Variants in PKHD1 observed in about 807,000 individuals in gnomAD.
The protein encoded by PKHD1 is fibrocystin.
A neutral mutation model predicts 412.0 loss-of-function variants in PKHD1; 291 were observed. The observed-to-expected ratio is 0.71, with a 90% CI of 0.64 to 0.78. The LOEUF (loss-of-function observed/expected upper bound fraction) is 0.78, where lower values mean the gene tolerates loss of function less well. PKHD1 is among the 30% of genes least tolerant of loss of function. The pLI is 0.00. For missense variants in PKHD1, 4,825 were observed against 4,950.7 expected (o/e 0.97, Z 0.76); for synonymous variants, 1,777 against 1,821.5 (o/e 0.98, Z 0.62).
chr6:52,034,133 G>A (rs189230410), intron 28 of PKHD1, among the ~76,000 whole-genome samples: 259 of 133,922 alleles, frequency 1.9e-3, no homozygotes, highest in Middle Eastern at 8.0e-3. Context: ...TCAAACAAAC[G>A]AACAAACAAA....
At chr6:51,653,758 G>A (rs1261167851) in intron 61 of PKHD1, among the ~76,000 whole-genome samples, 3 of 152,004 alleles carry the variant, frequency 2.0e-5, no homozygotes, top group African/African-American at 4.8e-5. Context: ...AGTAAGCCTA[G>A]GTGGGTTTAA....
At chr6:51,893,766 T>C (rs1469825270) in intron 43 of PKHD1, among the ~76,000 whole-genome samples, 1 of 152,154 alleles carries the variant, frequency 6.6e-6, no homozygotes, top group Non-Finnish European at 1.5e-5. Flanking sequence ...AAAAGTGAGT[T>C]AACCCTTCAG....
intron 47 of PKHD1, among the ~76,000 whole-genome samples, chr6:51,869,384 G>A (rs1322834640): frequency 2.0e-5 from 3 of 152,052 alleles, no homozygotes; most frequent in Non-Finnish European, 4.4e-5. Flanking sequence ...CACTGACTTT[G>A]TTGAGTCCTC....
Position 51,866,818 on chromosome 6 carries a change from C to A in PKHD1, c.7733+1045G>T, listed in dbSNP as rs114032114. On this transcript the variant is annotated intron_variant, in intron 48 of 66. Transcript: ENST00000371117. ...GCATCCCTGAGAATGAAGAAAAAGT[C>A]ATGCTCTGCACAATCAAAATGATTA... Among the ~76,000 whole-genome samples the A allele has an allele frequency of 4.3e-3, 648 of 152,166 alleles. 5 individuals are homozygous for A. Among genetic ancestry groups the A allele is most frequent in the African/African-American group, 0.014 (601 of 41,528 alleles).
chr6:52,033,335 C>T (rs1581856765), intron 28 of PKHD1, among the ~76,000 whole-genome samples, 170 bp from the exon 29 acceptor site: 1 of 152,180 alleles, frequency 6.6e-6, no homozygotes, highest in South Asian at 2.1e-4. Flanking sequence ...ACCCTGCACA[C>T]TCTCCCCATC....
chr6:51,680,131 ATATTAT>A (rs151148060), intron 60 of PKHD1, among the ~76,000 whole-genome samples: 1 of 151,486 alleles, frequency 6.6e-6, no homozygotes, highest in African/African-American at 2.4e-5. Flanking sequence ...AGCATAATAT[ATATTAT>A]TATTATTATT....
At chr6:51,857,824 G>T (rs751118121) in intron 48 of PKHD1, among the ~76,000 whole-genome samples, 4 of 152,166 alleles carry the variant, frequency 2.6e-5, no homozygotes, top group African/African-American at 4.8e-5. Context: ...TTTCTTGCAA[G>T]ATTAAATGTA....
In PKHD1 at chr6:52,045,940, T is replaced by G. The variant is rs936974614; in HGVS notation, c.2592+64A>C. On this transcript the variant is annotated intron_variant, in intron 24 of 66. Transcript: ENST00000371117. Reference sequence around the variant, plus strand: ...AGTTTCCATTTGTATAATTCTGATTTTTTTTTTTGCAGAATTTCTCCAGGG... The same window carrying G: ...AGTTTCCATTTGTATAATTCTGATTGTTTTTTTTGCAGAATTTCTCCAGGG... The G allele has an allele frequency of 1.1e-5, 12 of 1,115,558 alleles. No individual in the cohort carries two copies. In the African/African-American group the frequency reaches 1.8e-4, roughly 17 times the overall value. The allele number at this position is 1,115,558 out of a possible 1,614,324, so 69.1% of individuals were successfully genotyped here.
chr6:51,746,165 T>C (rs1309526487), intron 59 of PKHD1, among the ~76,000 whole-genome samples: 1 of 152,172 alleles, frequency 6.6e-6, no homozygotes, highest in Non-Finnish European at 1.5e-5. Context: ...CAGAAAACAG[T>C]ATTTACACCT....
At chr6:51,641,025 T>C (rs1294073824) in intron 63 of PKHD1, among the ~76,000 whole-genome samples, 1 of 152,206 alleles carries the variant, frequency 6.6e-6, no homozygotes, top group Non-Finnish European at 1.5e-5. Context: ...ATACTTATAG[T>C]AAGTTAGATA....
intron 52 of PKHD1, among the ~76,000 whole-genome samples, chr6:51,823,860 C>T (rs529891010): frequency 5.3e-5 from 8 of 152,202 alleles, no homozygotes; most frequent in Middle Eastern, 3.4e-3. Flanking sequence ...TGGGAGCATC[C>T]GTTTGAATCG....
chr6:51,672,482 G>A (rs1471437402), intron 60 of PKHD1, among the ~76,000 whole-genome samples: 2 of 152,164 alleles, frequency 1.3e-5, no homozygotes, highest in Admixed American at 1.3e-4. Context: ...TTGGAGCCTT[G>A]CAAGGGGCGC....
At chr6:51,731,814 C>T (rs1783273172) in intron 60 of PKHD1, among the ~76,000 whole-genome samples, 1 of 151,970 alleles carries the variant, frequency 6.6e-6, no homozygotes, top group Non-Finnish European at 1.5e-5. Flanking sequence ...GACTAGTGCA[C>T]CCAAGGAGCT....
chr6:51,891,801 AACCCAATAAC>A (rs1415184453), intron 43 of PKHD1, among the ~76,000 whole-genome samples: 1 of 151,850 alleles, frequency 6.6e-6, no homozygotes, highest in Non-Finnish European at 1.5e-5. Flanking sequence ...GATTGCTCTT[AACCCAATAAC>A]GCCCAATTCC....
chr6:51,982,572 G>A (rs1202677516), intron 35 of PKHD1, among the ~76,000 whole-genome samples: 12 of 143,848 alleles, frequency 8.3e-5, no homozygotes, highest in Non-Finnish European at 1.5e-4. Flanking sequence ...GATTAAGGGC[G>A]GTGCAAGATG....
rs376832568 is a variant in PKHD1 at position 51,783,532 on chromosome 6, T to G, written c.8441-7611A>C. On this transcript the variant is annotated intron_variant, in intron 53 of 66. Coordinates refer to ENST00000371117, the MANE Select transcript of PKHD1 (RefSeq NM_138694.4). ...AGTACAATATTAAAACAGTCTTTAT[T>G]GAGTTGACTGTTTGGGTCAATAACA... Among the ~76,000 whole-genome samples the G allele has an allele frequency of 1.8e-4, 27 of 151,730 alleles. No individual in the cohort carries two copies. In the East Asian group the frequency reaches 4.4e-3, roughly 25 times the overall value.
At chr6:51,942,129 C>T (rs1318288526) in intron 36 of PKHD1, among the ~76,000 whole-genome samples, 1 of 151,528 alleles carries the variant, frequency 6.6e-6, no homozygotes, top group African/African-American at 2.4e-5. Context: ...CTAGCTGACC[C>T]CATAGATCCT....
intron 35 of PKHD1, among the ~76,000 whole-genome samples, chr6:51,983,266 A>G (rs1360330676): frequency 2.0e-5 from 3 of 152,244 alleles, no homozygotes; most frequent in Non-Finnish European, 4.4e-5. Context: ...ACTACAAAAA[A>G]TAAGGGGGCT....
At chr6:51,822,772 A>G (rs1299362523) in intron 52 of PKHD1, among the ~76,000 whole-genome samples, 1 of 152,048 alleles carries the variant, frequency 6.6e-6, no homozygotes. Flanking sequence ...CTCTATTTCT[A>G]TTGATGGTAC....
Sources: gnomAD v4.1 joint callset for allele counts (sites outside exome capture counted in the v4.1 genomes callset) on GRCh38, gnomAD v4.1.1 for gene constraint, MANE v1.5 for transcripts, NCBI Gene and HGNC (gene_info 2026-07-23, HGNC 2026-07-21) for gene names.